The following SMARCAL1 variants were observed in gnomAD, a reference collection of about 807,000 sequenced individuals.
SMARCAL1 encodes the protein ATP-driven annealing helicase.
In SMARCAL1, 58 loss-of-function variants were observed where a neutral mutation model predicts 94.5. That is an observed-to-expected ratio of 0.61 (90% CI 0.50 to 0.76). The LOEUF (loss-of-function observed/expected upper bound fraction) is 0.76. SMARCAL1 is among the 30% of genes least tolerant of loss of function. The pLI is 0.00. For missense variants in SMARCAL1, 1,051 were observed against 1,177.9 expected (o/e 0.89, Z 1.58); for synonymous variants, 422 against 455.1 (o/e 0.93, Z 0.93).
intron 13 of SMARCAL1, among the ~76,000 whole-genome samples, chr2:216,465,596 T>C (rs1694814771): frequency 6.6e-6 from 1 of 152,214 alleles, no homozygotes; most frequent in Non-Finnish European, 1.5e-5. Flanking sequence ...TGACAAAATC[T>C]CAATTGTATG....
Position 216,425,783 on chromosome 2 carries a change from G to A in SMARCAL1, c.1147+2100G>A, listed in dbSNP as rs540265455. Among the ~76,000 whole-genome samples the A allele has an allele frequency of 2.0e-5, 3 of 152,318 alleles. No individual in the cohort carries two copies. In the East Asian group the frequency reaches 5.8e-4, roughly 29 times the overall value. On this transcript the variant is annotated intron_variant, in intron 6 of 17. Transcript: ENST00000357276. ...TTTTATGGGCTCAGAATGGGGGTGTGTGTGCTGATTGGTCCATAGGCAGGC... is the reference window on the plus strand; with the variant it reads ...TTTTATGGGCTCAGAATGGGGGTGTATGTGCTGATTGGTCCATAGGCAGGC...
chr2:216,420,180 AC>A, intron 4 of SMARCAL1, 118 bp from the exon 5 acceptor site: 1 of 798,252 alleles, frequency 1.3e-6, no homozygotes, highest in Non-Finnish European at 2.1e-6. Flanking sequence ...TTCCTGCCAA[AC>A]CTAGTGCCTC....
At chr2:216,453,270 C>T (rs1293664575) in intron 12 of SMARCAL1, among the ~76,000 whole-genome samples, 1 of 152,192 alleles carries the variant, frequency 6.6e-6, no homozygotes, top group Non-Finnish European at 1.5e-5. Flanking sequence ...ACGTTTATCC[C>T]TGAAAGATAG....
At chr2:216,436,292 C>T (rs1694080627) in intron 9 of SMARCAL1, among the ~76,000 whole-genome samples, 1 of 152,210 alleles carries the variant, frequency 6.6e-6, no homozygotes, top group African/African-American at 2.4e-5. Context: ...TAAAGAAGGT[C>T]TGACTGGACC....
rs968239393 is a variant in SMARCAL1 at position 216,435,446 on chromosome 2, C to T, written c.1594C>T (p.Leu532Phe). The change falls in exon 9 of 18, where the codon CTT becomes TTT. Residue 532 changes from leucine to phenylalanine, a missense_variant. Around this residue, in one of 3 missense-constraint regions of SMARCAL1, gnomAD observed 642 missense variants for 754.7 expected, o/e 0.85. Transcript: ENST00000357276. Reference sequence around the variant, plus strand: ...GATCAACATTGTCAGCTTTGACCTTCTTAGCAAGTTGGAAAAACAGCTAAA... The same window carrying T: ...GATCAACATTGTCAGCTTTGACCTTTTTAGCAAGTTGGAAAAACAGCTAAA... ...GLINIVSFDL[L>F]SKLEKQLKTP... 2 of 1,614,152 alleles carry T rather than the reference C, an allele frequency of 1.2e-6. No individual in the cohort carries two copies. The highest frequency in any genetic ancestry group is 1.7e-5 in the Admixed American group (1 of 60,022).
chr2:216,461,633 G>A (rs892717411), intron 12 of SMARCAL1, among the ~76,000 whole-genome samples: 3 of 152,100 alleles, frequency 2.0e-5, no homozygotes, highest in African/African-American at 7.2e-5. Context: ...ATTGATACCA[G>A]CCTGGACAAC....
intron 5 of SMARCAL1, among the ~76,000 whole-genome samples, chr2:216,421,626 C>CCCCCTTCA (rs1314035276): frequency 6.6e-6 from 1 of 152,124 alleles, no homozygotes; most frequent in Non-Finnish European, 1.5e-5. Flanking sequence ...TTCATAAGCT[C>CCCCCTTCA]CCCCTTCAGA....
intron 13 of SMARCAL1, among the ~76,000 whole-genome samples, chr2:216,466,981 G>C (rs1233315737): frequency 6.6e-6 from 1 of 152,134 alleles, no homozygotes; most frequent in Non-Finnish European, 1.5e-5. Context: ...TCCCTGTCCA[G>C]ACGCACCCAT....
chr2:216,414,770 C>A lies in SMARCAL1; in HGVS notation c.66C>A (p.Ala22=). 2 of 1,614,164 alleles carry A rather than the reference C, an allele frequency of 1.2e-6. No individual in the cohort carries two copies. Among genetic ancestry groups the A allele is most frequent in the Non-Finnish European group, 1.7e-6 (2 of 1,180,016 alleles). Residue 22 remains alanine (A), a synonymous_variant, in exon 3 of 18, where the codon GCC becomes GCA. Coordinates refer to ENST00000357276, the MANE Select transcript of SMARCAL1 (RefSeq NM_014140.4). ...KIEENRQKAL[A]RRAEKLLAEQ... The stretch of plus-strand genomic sequence containing the variant: ...AAGAGAATCGACAAAAGGCTCTGGC[C>A]CGCAGAGCTGAGAAGTTATTGGCAG...
rs1455207168 is a variant in SMARCAL1 at position 216,435,368 on chromosome 2, C to G, written c.1516C>G (p.Pro506Ala). The G allele has an allele frequency of 6.2e-7, 1 of 1,613,954 alleles. No individual in the cohort carries two copies. The highest frequency in any genetic ancestry group is 8.5e-7 in the Non-Finnish European group (1 of 1,180,016). Reference sequence around the variant, plus strand: ...CCTTCGGTGGCTGCCATCTCTGAGCCCAGATTGCATCAACGTCGTGGTGAC... The same window carrying G: ...CCTTCGGTGGCTGCCATCTCTGAGCGCAGATTGCATCAACGTCGTGGTGAC... ...AFLRWLPSLS[P>A]DCINVVVTGK... is the part of the protein sequence containing the mutation. The change falls in exon 9 of 18, where the codon CCA (proline) becomes GCA (alanine). Residue 506 changes from proline to alanine, a missense_variant. Coordinates refer to ENST00000357276, the MANE Select transcript of SMARCAL1 (RefSeq NM_014140.4).
At chr2:216,433,807 C>T (rs1050701378) in intron 8 of SMARCAL1, among the ~76,000 whole-genome samples, 2 of 151,942 alleles carry the variant, frequency 1.3e-5, no homozygotes, top group African/African-American at 2.4e-5. Context: ...ATGCCACTGA[C>T]GTCAGCCTGG....
intron 17 of SMARCAL1, among the ~76,000 whole-genome samples, chr2:216,480,518 A>T (rs1574487240): frequency 6.6e-6 from 1 of 152,166 alleles, no homozygotes; most frequent in Non-Finnish European, 1.5e-5. Flanking sequence ...ATTCAGAAAG[A>T]GGCTGATGAG....
At chr2:216,465,074 G>A (rs1694803898) in intron 13 of SMARCAL1, among the ~76,000 whole-genome samples, 2 of 152,180 alleles carry the variant, frequency 1.3e-5, no homozygotes, top group South Asian at 4.1e-4. Flanking sequence ...TTGGGAGGGA[G>A]GACGGTCGAG....
rs374876609 is a variant in SMARCAL1 at position 216,420,501 on chromosome 2, G to A, written c.1065G>A (p.Ala355=). 45 of 1,613,966 alleles carry A rather than the reference G, an allele frequency of 2.8e-5. 1 individual carries two copies. The highest frequency in any genetic ancestry group is 6.7e-5 in the East Asian group (3 of 44,892). Residue 355 remains alanine, a synonymous_variant, in exon 5 of 18, where the codon GCG becomes GCA. Coordinates refer to ENST00000357276, the MANE Select transcript of SMARCAL1 (RefSeq NM_014140.4). ...ADISYSQDLI[A]LFKQMDSRRY... ...TCAGTTATTCACAGGACCTTATTGC[G>A]CTTTTTAAACAGATGGATTCCAGAA...
intron 10 of SMARCAL1, among the ~76,000 whole-genome samples, chr2:216,441,746 T>C (rs1418748844): frequency 6.6e-6 from 1 of 152,230 alleles, no homozygotes; most frequent in Non-Finnish European, 1.5e-5. Flanking sequence ...AAGTCCAGTC[T>C]GGCCAGGCAT....
intron 10 of SMARCAL1, among the ~76,000 whole-genome samples, chr2:216,439,394 T>C (rs2106041573): frequency 6.6e-6 from 1 of 152,274 alleles, no homozygotes; most frequent in African/African-American, 2.4e-5. Context: ...AAAGTAGCCT[T>C]TTCTCTTGTA....
chr2:216,466,399 A>G (rs1272976917), intron 13 of SMARCAL1, among the ~76,000 whole-genome samples: 1 of 152,206 alleles, frequency 6.6e-6, no homozygotes. Flanking sequence ...CACTGGCTCC[A>G]TTTTTAAAAA....
At chr2:216,437,795 A>G (rs546244852) in intron 9 of SMARCAL1, among the ~76,000 whole-genome samples, 26 of 152,326 alleles carry the variant, frequency 1.7e-4, no homozygotes, top group Admixed American at 1.6e-3. Flanking sequence ...CTATATATAT[A>G]TATATGTATG....
intron 13 of SMARCAL1, among the ~76,000 whole-genome samples, chr2:216,467,222 G>A (rs1451003503): frequency 6.6e-6 from 1 of 152,132 alleles, no homozygotes; most frequent in East Asian, 1.9e-4. Flanking sequence ...TGTAATCTCA[G>A]CACTTTGGGA....
Sources: gnomAD v4.1 joint callset for allele counts (sites outside exome capture counted in the v4.1 genomes callset) on GRCh38, gnomAD v4.1.1 for gene constraint, gnomAD v4.1.1 regional missense constraint, MANE v1.5 for transcripts, NCBI Gene and HGNC (gene_info 2026-07-23, HGNC 2026-07-21) for gene names.